PKD1L1: variants seen among roughly 807,000 people sequenced by gnomAD.
The protein encoded by PKD1L1 is polycystin 1 like 1, transient receptor potential channel interacting, also known as polycystin-1-like protein 1.
A neutral mutation model predicts 323.4 loss-of-function variants in PKD1L1; 236 were observed. That is an observed-to-expected ratio of 0.73 (90% CI 0.66 to 0.81). The LOEUF (loss-of-function observed/expected upper bound fraction) is 0.81, where lower values mean the gene tolerates loss of function less well. Among genes scored for constraint, PKD1L1 ranks in the 40% least tolerant of loss-of-function variants. The pLI is 0.00. For synonymous variants in PKD1L1, 1,344 were observed against 1,335.0 expected (o/e 1.01, Z -0.15); for missense variants, 3,320 against 3,508.0 (o/e 0.95, Z 1.35).
chr7:47,866,748 A>T, intron 24 of PKD1L1, 134 bp from the exon 25 acceptor site: 1 of 667,632 alleles, frequency 1.5e-6, no homozygotes, highest in Non-Finnish European at 2.5e-6. Context: ...GAATGATACA[A>T]AGGAGAATTG....
At chr7:47,944,232 G>A (rs1019118403) in intron 1 of PKD1L1, among the ~76,000 whole-genome samples, 3 of 152,010 alleles carry the variant, frequency 2.0e-5, no homozygotes, top group African/African-American at 7.3e-5. Flanking sequence ...TGAGTTCTCC[G>A]AGATCTGGTC....
In PKD1L1 at chr7:47,840,252, T is replaced by C. The variant is rs1785539953; in HGVS notation, c.5552+209A>G. On this transcript the variant is annotated intron_variant, in intron 35 of 56. Coordinates refer to ENST00000289672, the MANE Select transcript of PKD1L1 (RefSeq NM_138295.5). The surrounding 1 kb of genome is among the most constrained non-coding windows in gnomAD (Gnocchi z 4.1). The stretch of plus-strand genomic sequence containing the variant: ...ATCAGTAAGTCTTCTTTCCCCACCC[T>C]CCTTCCTTCCTTGCCTCGCATAAAC... Among the ~76,000 whole-genome samples the C allele has an allele frequency of 6.6e-6, 1 of 152,156 alleles. No homozygotes were observed. Among genetic ancestry groups the C allele is most frequent in the South Asian group, 2.1e-4 (1 of 4,830 alleles).
intron 54 of PKD1L1, among the ~76,000 whole-genome samples, chr7:47,798,187 C>T (rs1204694979): frequency 6.6e-6 from 1 of 152,080 alleles, no homozygotes; most frequent in Non-Finnish European, 1.5e-5. Context: ...TTAAGATTTG[C>T]CACAGAGTGA....
chr7:47,829,918 C>T, intron 43 of PKD1L1, 122 bp downstream of exon 43: 2 of 949,466 alleles, frequency 2.1e-6, no homozygotes, highest in South Asian at 1.4e-5. Context: ...TTCTCTCCAA[C>T]CACAGCTGAA....
chr7:47,949,459 G>A (rs975321344), upstream of PKD1L1, among the ~76,000 whole-genome samples: 4 of 150,958 alleles, frequency 2.6e-5, no homozygotes, highest in African/African-American at 9.8e-5. Context: ...GCATTCCTAA[G>A]GAAGGCTGGC....
At position 47,834,348 on chromosome 7, in the gene PKD1L1, C is replaced by T. The variant is rs1055468975; in HGVS notation, c.6165G>A (p.Glu2055=). 30 of 1,613,810 alleles carry T rather than the reference C, an allele frequency of 1.9e-5. No homozygotes were observed. Among genetic ancestry groups the T allele is most frequent in the Non-Finnish European group, 2.0e-5 (24 of 1,179,830 alleles). The change falls in exon 40 of 57, where the codon GAG becomes GAA. Residue 2055 remains glutamate, a synonymous_variant. Transcript: ENST00000289672. ...NSWGRIPDAQ[E]PRKQPASAIL... ...ATAATGATTGATTTACCTTGCGTGG[C>T]TCCTGTGCGTCTGGTATCCTTCCCC...
intron 28 of PKD1L1, among the ~76,000 whole-genome samples, chr7:47,857,215 C>T (rs759536987): frequency 2.6e-5 from 4 of 152,192 alleles, no homozygotes; most frequent in Non-Finnish European, 4.4e-5. Context: ...AGGTATACTC[C>T]GCATTTGATG....
chr7:47,868,713 T>C (rs1786219360), intron 24 of PKD1L1, among the ~76,000 whole-genome samples: 1 of 151,788 alleles, frequency 6.6e-6, no homozygotes, highest in Non-Finnish European at 1.5e-5. Flanking sequence ...CCATCTCTAC[T>C]AAAAATACAA....
intron 1 of PKD1L1, among the ~76,000 whole-genome samples, chr7:47,945,296 G>A (rs755594440): frequency 7.9e-5 from 12 of 152,298 alleles, no homozygotes; most frequent in Admixed American, 2.0e-4. Context: ...AAAGTCTAGA[G>A]GATATCTACT....
At chr7:47,943,869 C>G (rs1314640102) in intron 1 of PKD1L1, among the ~76,000 whole-genome samples, 1 of 152,170 alleles carries the variant, frequency 6.6e-6, no homozygotes, top group Non-Finnish European at 1.5e-5. Flanking sequence ...TCCTCCTCCT[C>G]TCTTCCTGCC....
the PKD1L1 span, among the ~76,000 whole-genome samples, chr7:47,958,417 C>G: frequency 1.3e-5 from 2 of 152,162 alleles, no homozygotes; most frequent in Non-Finnish European, 2.9e-5. Context: ...ACCCTTATCT[C>G]CCACCATATA....
intron 26 of PKD1L1, 58 bp downstream of exon 26, chr7:47,865,158 C>T (rs1052331574): frequency 3.2e-6 from 4 of 1,251,644 alleles, no homozygotes; most frequent in Non-Finnish European, 4.6e-6. Flanking sequence ...AAGAACTGAT[C>T]ATGTCCCTCA....
intron 53 of PKD1L1, 56 bp downstream of exon 53, chr7:47,803,154 G>C: frequency 6.2e-7 from 1 of 1,605,758 alleles, no homozygotes. Flanking sequence ...AGGCTGACGA[G>C]TACACAGATC....
rs1784961316 is a variant in PKD1L1 at position 47,813,989 on chromosome 7, T to C, written c.7115A>G (p.Tyr2372Cys). 1.2e-6 allele frequency: 2 copies of C among 1,614,068 alleles called. No individual in the cohort carries two copies. The highest frequency in any genetic ancestry group is 1.7e-6 in the Non-Finnish European group (2 of 1,180,012). ...CCTAATTACGGAACTGCCTATTAGG[T>C]AGCATTTTCCTCCAAGAGCTCCAGG... ...AQPGALGGKC[Y>C]LIGSSVIRQL... The change falls in exon 48 of 57, where the codon TAC becomes TGC. Residue 2372 changes from tyrosine (Y) to cysteine (C), a missense_variant. By Grantham distance (194) the Tyr-to-Cys change is radical (BLOSUM62 -2). Coordinates refer to ENST00000289672, the MANE Select transcript of PKD1L1 (RefSeq NM_138295.5).
rs543094345 is a variant in PKD1L1 at position 47,915,521 on chromosome 7, T to G, written c.1139A>C (p.Asn380Thr). 1 of 1,518,220 alleles carries G rather than the reference T, an allele frequency of 6.6e-7. No homozygotes were observed. Among genetic ancestry groups the G allele is most frequent in the African/African-American group, 1.4e-5 (1 of 72,752 alleles). The allele number at this position is 1,518,220 out of a possible 1,614,324, so 94.0% of individuals were successfully genotyped here. A position where few individuals can be genotyped will look rare whatever the true frequency, so the allele number is the denominator to read the frequency against. The part of the protein sequence containing the change: ...KEAETQNTTL[N>T]VYLCQSENSC... The stretch of plus-strand genomic sequence containing the variant: ...GTTTTCACTTTGGCACAAGTAAACA[T>G]TTAAAGTTGTATTTTGTGTCTCTGC... Residue 380 changes from asparagine to threonine, a missense_variant, in exon 8 of 57, where the codon AAT becomes ACT. Asn to Thr is a moderately conservative substitution (Grantham distance 65, BLOSUM62 0). Coordinates refer to ENST00000289672, the MANE Select transcript of PKD1L1 (RefSeq NM_138295.5).
chr7:47,957,868 T>C, the PKD1L1 span, among the ~76,000 whole-genome samples: 4 of 147,474 alleles, frequency 2.7e-5, no homozygotes, highest in East Asian at 2.0e-4. Context: ...AAAAAATATA[T>C]ATATATATAT....
At chr7:47,862,330 C>T (rs1434048625) in intron 26 of PKD1L1, among the ~76,000 whole-genome samples, 2 of 152,166 alleles carry the variant, frequency 1.3e-5, no homozygotes, top group Non-Finnish European at 2.9e-5. Flanking sequence ...ATGATGCCCT[C>T]CCACCTAGAC....
intron 56 of PKD1L1, among the ~76,000 whole-genome samples, chr7:47,779,068 G>T (rs1786632390): frequency 6.6e-6 from 1 of 152,182 alleles, no homozygotes; most frequent in South Asian, 2.1e-4. Context: ...TAATTTATCT[G>T]CTCTGAAAAA....
chr7:47,874,528 T>G (rs1786361498), intron 23 of PKD1L1, among the ~76,000 whole-genome samples: 1 of 152,146 alleles, frequency 6.6e-6, no homozygotes, highest in South Asian at 2.1e-4. Flanking sequence ...TTTTGGAGGT[T>G]GACACTTCTC....
Sources: allele counts gnomAD v4.1 joint callset (sites outside exome capture counted in the v4.1 genomes callset), GRCh38; gene constraint gnomAD v4.1.1; non-coding constraint Gnocchi (gnomAD v3.1); transcripts MANE v1.5; gene names NCBI Gene and HGNC (gene_info 2026-07-23, HGNC 2026-07-21).